AGBL4: variants seen among roughly 807,000 people sequenced by gnomAD.
The protein encoded by AGBL4 is cytosolic carboxypeptidase 6.
In AGBL4, 58 loss-of-function variants were observed where a neutral mutation model predicts 66.4. That is an observed-to-expected ratio of 0.87 (90% confidence interval 0.71 to 1.09). The LOEUF (loss-of-function observed/expected upper bound fraction) is 1.09. Ranked by LOEUF, AGBL4 falls within the 50% of genes least tolerant of loss-of-function variation. The pLI, the probability that AGBL4 is intolerant of heterozygous loss-of-function variation, is 0.00. For missense variants in AGBL4, 579 were observed against 631.0 expected, an observed-to-expected ratio of 0.92 and a Z score of 0.88; for synonymous variants, 234 against 222.9, an observed-to-expected ratio of 1.05 and a Z score of -0.44.
At chr1:49,996,921 A>G (rs1440693388) in intron 1 of AGBL4, among the ~76,000 whole-genome samples, 1 of 152,220 alleles carries the variant, frequency 6.6e-6, no homozygotes, top group Non-Finnish European at 1.5e-5. Flanking sequence ...TCCTTGGGAA[A>G]AAAGCAATTA....
At chr1:48,762,140 C>T (rs1240627387) in intron 6 of AGBL4, among the ~76,000 whole-genome samples, 1 of 152,220 alleles carries the variant, frequency 6.6e-6, no homozygotes, top group Non-Finnish European at 1.5e-5. Flanking sequence ...ATGGAAGAGG[C>T]TTGCCCACGG....
At chr1:48,865,652 G>A (rs894694754) in intron 6 of AGBL4, among the ~76,000 whole-genome samples, 5 of 152,048 alleles carry the variant, frequency 3.3e-5, no homozygotes, top group Non-Finnish European at 7.4e-5. Flanking sequence ...ACAGAAAGAG[G>A]TTGTACAAAA....
At chr1:49,263,756 C>T (rs1653462574) in intron 3 of AGBL4, among the ~76,000 whole-genome samples, 1 of 152,114 alleles carries the variant, frequency 6.6e-6, no homozygotes, top group African/African-American at 2.4e-5. Flanking sequence ...ATGTTTATAA[C>T]CTATAACCTA....
chr1:48,710,578 G>C (rs550622378), intron 6 of AGBL4, among the ~76,000 whole-genome samples: 1 of 152,290 alleles, frequency 6.6e-6, no homozygotes, highest in South Asian at 2.1e-4. Flanking sequence ...AGGGAGCCAT[G>C]GAAGGTTTAC....
intron 1 of AGBL4, among the ~76,000 whole-genome samples, chr1:49,870,072 C>T (rs1262870950): frequency 6.6e-6 from 1 of 152,034 alleles, no homozygotes; most frequent in Admixed American, 6.6e-5. Context: ...ATCACATGTA[C>T]TTCATAAATA....
chr1:48,537,668 A>T (rs994154995), intron 12 of AGBL4, among the ~76,000 whole-genome samples: 1 of 152,188 alleles, frequency 6.6e-6, no homozygotes, highest in African/African-American at 2.4e-5. Flanking sequence ...GCACCATTTC[A>T]TTGGTATATG....
chr1:49,393,426 C>T (rs1644891312), intron 3 of AGBL4, among the ~76,000 whole-genome samples: 2 of 152,104 alleles, frequency 1.3e-5, no homozygotes, highest in African/African-American at 4.8e-5. Context: ...TGTTATGTCA[C>T]CAATATTTTA....
chr1:49,126,031 G>A (rs1042077061), intron 4 of AGBL4, among the ~76,000 whole-genome samples: 1 of 152,152 alleles, frequency 6.6e-6, no homozygotes, highest in African/African-American at 2.4e-5. Context: ...GACAAAAACA[G>A]CTGTTGTAAA....
intron 4 of AGBL4, among the ~76,000 whole-genome samples, chr1:49,093,185 A>G (rs1645031611): frequency 6.6e-6 from 1 of 152,120 alleles, no homozygotes; most frequent in Non-Finnish European, 1.5e-5. Flanking sequence ...TTCAAATGGG[A>G]CAGATGTCAG....
chr1:49,513,172 T>C (rs924553081), intron 3 of AGBL4, among the ~76,000 whole-genome samples: 3 of 152,098 alleles, frequency 2.0e-5, no homozygotes, highest in African/African-American at 7.2e-5. Flanking sequence ...AGTATAAATC[T>C]GAATTTCCCA....
At chr1:48,683,270 AT>A (rs1646482358) in intron 6 of AGBL4, among the ~76,000 whole-genome samples, 1 of 152,116 alleles carries the variant, frequency 6.6e-6, no homozygotes, top group African/African-American at 2.4e-5. Context: ...TGCTAAGGCA[AT>A]GTCTGAGGAA....
chr1:49,511,564 C>A (rs923515647), intron 3 of AGBL4, among the ~76,000 whole-genome samples: 1 of 151,466 alleles, frequency 6.6e-6, no homozygotes, highest in Non-Finnish European at 1.5e-5. Context: ...ATGTAACTAA[C>A]CTGCACAATG....
chr1:49,041,921 T>C (rs1011307682), intron 5 of AGBL4, among the ~76,000 whole-genome samples: 1 of 152,146 alleles, frequency 6.6e-6, no homozygotes, highest in African/African-American at 2.4e-5. Flanking sequence ...GCTACCTTAT[T>C]ATCAACTCTG....
At chr1:49,949,480 A>G (rs1003221353) in intron 1 of AGBL4, among the ~76,000 whole-genome samples, 1 of 151,962 alleles carries the variant, frequency 6.6e-6, no homozygotes, top group East Asian at 1.9e-4. Context: ...AATATCCAGA[A>G]TCTACAACAA....
chr1:49,993,507 AC>A (rs1660120101), intron 1 of AGBL4, among the ~76,000 whole-genome samples: 1 of 152,090 alleles, frequency 6.6e-6, no homozygotes, highest in African/African-American at 2.4e-5. Flanking sequence ...GTCTCTTCCT[AC>A]CCAGAATACC....
intron 6 of AGBL4, among the ~76,000 whole-genome samples, chr1:48,738,682 A>T (rs1307951639): frequency 1.3e-5 from 2 of 152,166 alleles, no homozygotes; most frequent in African/African-American, 4.8e-5. Flanking sequence ...ATTTTTCAAA[A>T]ATCTCTGCTT....
chr1:49,188,897 G>C (rs1337370143), intron 4 of AGBL4, among the ~76,000 whole-genome samples: 3 of 152,142 alleles, frequency 2.0e-5, no homozygotes, highest in African/African-American at 7.2e-5. Context: ...AAATCAGAAA[G>C]AACACAGTGG....
intron 2 of AGBL4, among the ~76,000 whole-genome samples, chr1:49,771,912 C>T (rs1275531630): frequency 2.0e-5 from 3 of 151,892 alleles, no homozygotes; most frequent in African/African-American, 7.2e-5. Flanking sequence ...TTGGATCTTG[C>T]TTTTTTATCC....
intron 4 of AGBL4, among the ~76,000 whole-genome samples, chr1:49,114,626 A>G (rs1472094090): frequency 6.6e-6 from 1 of 152,178 alleles, no homozygotes; most frequent in Non-Finnish European, 1.5e-5. Context: ...TACTAAGATT[A>G]ATAATTTCTA....
Sources: gnomAD v4.1 joint callset for allele counts (sites outside exome capture counted in the v4.1 genomes callset) on GRCh38, gnomAD v4.1.1 for gene constraint, MANE v1.5 for transcripts, NCBI Gene and HGNC (gene_info 2026-07-23, HGNC 2026-07-21) for gene names.